Variants in DYNC2I2 observed in about 807,000 individuals in gnomAD.
DYNC2I2 encodes dynein 2 intermediate chain 2, also known as cytoplasmic dynein 2 intermediate chain 2.
In DYNC2I2, 39 loss-of-function variants were observed where a neutral mutation model predicts 52.0. The ratio of observed to expected loss-of-function variants is 0.75; its 90% CI spans 0.58 to 0.98. The LOEUF (loss-of-function observed/expected upper bound fraction) is 0.98, where lower values mean the gene tolerates loss of function less well. DYNC2I2 is among the 50% of genes least tolerant of loss of function. The pLI is 0.00. For synonymous variants in DYNC2I2, 359 were observed against 321.1 expected, an observed-to-expected ratio of 1.12 and a Z score of -1.26; for missense variants, 743 against 728.4, an observed-to-expected ratio of 1.02 and a Z score of -0.23.
At chr9:128,648,682 C>T (rs1016178478) in intron 1 of DYNC2I2, among the ~76,000 whole-genome samples, 1 of 150,158 alleles carries the variant, frequency 6.7e-6, no homozygotes, top group African/African-American at 2.4e-5. Context: ...CAACTGTAAT[C>T]ACTGCTACTA....
chr9:128,656,388 G>A (rs888229371), intron 1 of DYNC2I2, among the ~76,000 whole-genome samples, 153 bp downstream of exon 1: 3 of 151,162 alleles, frequency 2.0e-5, no homozygotes, highest in Admixed American at 1.3e-4. Flanking sequence ...AACTGTAAAG[G>A]CAAACGGTGG....
chr9:128,637,605 G>C (rs553614603), intron 2 of DYNC2I2, among the ~76,000 whole-genome samples: 31 of 152,084 alleles, frequency 2.0e-4, no homozygotes, highest in African/African-American at 7.5e-4. Context: ...ACCAAACCTG[G>C]ATAATTTTTA....
intron 5 of DYNC2I2, 159 bp downstream of exon 5, chr9:128,635,499 G>C: frequency 1.3e-6 from 1 of 797,850 alleles, no homozygotes; most frequent in Non-Finnish European, 2.0e-6. Context: ...AGGGCCCTGG[G>C]AGTGGCTCCT....
At chr9:128,667,221 A>G in the DYNC2I2 span, among the ~76,000 whole-genome samples, 1,339 of 152,260 alleles carry the variant, frequency 8.8e-3, 21 homozygotes, top group African/African-American at 0.029. Flanking sequence ...AATAATAATT[A>G]GGAGTGGTGA....
upstream of DYNC2I2, among the ~76,000 whole-genome samples, chr9:128,660,418 C>CT (rs111984663): frequency 2.4e-4 from 35 of 144,072 alleles, no homozygotes; most frequent in Middle Eastern, 3.7e-3. Context: ...CCTATTATTT[C>CT]TTTTTTTTTT....
At chr9:128,657,374 CTT>C (rs1860852536), upstream of DYNC2I2, among the ~76,000 whole-genome samples, 1 of 152,090 alleles carries the variant, frequency 6.6e-6, no homozygotes, top group African/African-American at 2.4e-5. Context: ...CAGAACGTCT[CTT>C]TCTTATTAAG....
Position 128,634,600 on chromosome 9 carries a change from G to A in DYNC2I2, c.1214+89C>T, listed in dbSNP as rs868814977. 28 of 1,380,944 alleles carry A rather than the reference G, an allele frequency of 2.0e-5. No homozygotes were observed. In the African/African-American group the frequency reaches 2.9e-4, roughly 14 times the overall value. 85.5% of individuals were successfully genotyped at this position (1,380,944 alleles called of 1,614,324 possible). ...CAGAGTGGGCAGAAGGCAAGCACTT[G>A]AAGCAGTTTGTCATGAGGCTTGGCA... On this transcript the variant is annotated intron_variant, in intron 7 of 8. Transcript: ENST00000372715.
Position 128,640,925 on chromosome 9 carries a change from C to T in DYNC2I2, c.201G>A (p.Thr67=), listed in dbSNP as rs2132156412. Reference sequence around the variant, plus strand: ...ATGCACTGGCAGTGGCAATGCTGGCCGTCTGGCAACTTTTCTGGGGGGAGG... The same window carrying T: ...ATGCACTGGCAGTGGCAATGCTGGCTGTCTGGCAACTTTTCTGGGGGGAGG... The part of the protein sequence containing the change: ...GIRWETKSCQ[T]ASIATASASA... The change falls in exon 2 of 9, where the codon ACG becomes ACA. Residue 67 remains threonine, a synonymous_variant. Transcript: ENST00000372715. 1 of 1,591,072 alleles carries T rather than the reference C, an allele frequency of 6.3e-7. No homozygotes were observed. The highest frequency in any genetic ancestry group is 1.1e-5 in the South Asian group (1 of 89,226).
At chr9:128,644,274 C>A (rs1452245433) in intron 1 of DYNC2I2, among the ~76,000 whole-genome samples, 1 of 7,862 alleles carries the variant, frequency 1.3e-4, no homozygotes, top group Non-Finnish European at 2.7e-4. Context: ...ACCCAGGCGG[C>A]CTTTTTTTTT....
At position 128,634,329 on chromosome 9, in the gene DYNC2I2, C is replaced by G; in HGVS notation, c.1269G>C (p.Leu423=). 6.2e-7 allele frequency: 1 copy of G among 1,612,168 alleles called. No individual in the cohort carries two copies. Among genetic ancestry groups the G allele is most frequent in the African/African-American group, 1.3e-5 (1 of 74,958 alleles). The change falls in exon 8 of 9, where the codon CTG becomes CTC. Residue 423 remains leucine (L), a synonymous_variant. Coordinates refer to ENST00000372715, the MANE Select transcript of DYNC2I2 (RefSeq NM_052844.4). The stretch of plus-strand genomic sequence containing the variant: ...GCAGCGAAGTCAAGGGAGGGGCCTG[C>G]AGCATGGAGTACAGGTGGACATGCC... ...TDGHVHLYSM[L]QAPPLTSLQL...
In DYNC2I2 at chr9:128,633,857, C is replaced by G; in HGVS notation, c.1498G>C (p.Ala500Pro). The G allele has an allele frequency of 6.2e-7, 1 of 1,613,614 alleles. No individual in the cohort carries two copies. The highest frequency in any genetic ancestry group is 8.5e-7 in the Non-Finnish European group (1 of 1,180,052). ...FNSQQTQLLAAGDAQGTVKVW... is the reference protein window; with the variant it reads ...FNSQQTQLLAPGDAQGTVKVW... ...TTCACTGTGCCCTGGGCATCGCCCG[C>G]AGCCAAGAGCTGAGTCTGCTGGCTG... Residue 500 changes from alanine to proline, a missense_variant, in exon 9 of 9, where the codon GCG (alanine) becomes CCG (proline). Coordinates refer to ENST00000372715, the MANE Select transcript of DYNC2I2 (RefSeq NM_052844.4).
the DYNC2I2 span, among the ~76,000 whole-genome samples, chr9:128,677,281 C>A: frequency 6.6e-6 from 1 of 150,698 alleles, no homozygotes; most frequent in Non-Finnish European, 1.5e-5. Context: ...GAGCAGAATT[C>A]GAGACTAGCC....
the DYNC2I2 span, among the ~76,000 whole-genome samples, chr9:128,661,935 G>C: frequency 6.6e-6 from 1 of 151,960 alleles, no homozygotes; most frequent in Admixed American, 6.6e-5. Context: ...CCAGCTACTA[G>C]GGAGGCAGAG....
the DYNC2I2 span, among the ~76,000 whole-genome samples, chr9:128,680,409 G>C: frequency 6.9e-6 from 1 of 145,960 alleles, no homozygotes; most frequent in Non-Finnish European, 1.5e-5. Context: ...ACGGAGTCTT[G>C]CTCTGTCGCC....
chr9:128,644,970 G>A (rs894728543), intron 1 of DYNC2I2, among the ~76,000 whole-genome samples: 1 of 152,204 alleles, frequency 6.6e-6, no homozygotes, highest in Non-Finnish European at 1.5e-5. Flanking sequence ...AATGTTGCGT[G>A]TGATTTGACG....
the DYNC2I2 span, among the ~76,000 whole-genome samples, chr9:128,677,982 T>C: frequency 2.0e-5 from 3 of 152,084 alleles, no homozygotes; most frequent in African/African-American, 7.2e-5. Flanking sequence ...TTTTATCTAC[T>C]CCTCTTTTAC....
At chr9:128,675,029 A>G in the DYNC2I2 span, among the ~76,000 whole-genome samples, 31 of 152,176 alleles carry the variant, frequency 2.0e-4, no homozygotes, top group Middle Eastern at 3.4e-3. Context: ...GCCTTGCTTC[A>G]CTGTCAGCCT....
rs1177119794 is a variant in DYNC2I2, at chr9:128,636,449, A to T, written c.546-11T>A. 6.3e-7 allele frequency: 1 copy of T among 1,595,820 alleles called. No homozygotes were observed. The highest frequency in any genetic ancestry group is 1.3e-5 in the African/African-American group (1 of 74,624). Reference sequence around the variant, plus strand: ...TCCCCATGGTCCAGCCTGTGCAGGGACAGGCTTGAGCCGGCTGTGCCCCTG... The same window carrying T: ...TCCCCATGGTCCAGCCTGTGCAGGGTCAGGCTTGAGCCGGCTGTGCCCCTG... On this transcript the variant is annotated splice_polypyrimidine_tract_variant and intron_variant, in intron 3 of 8. Transcript: ENST00000372715.
chr9:128,647,618 C>T (rs1860640125), intron 1 of DYNC2I2, among the ~76,000 whole-genome samples: 1 of 151,810 alleles, frequency 6.6e-6, no homozygotes, highest in Non-Finnish European at 1.5e-5. Flanking sequence ...ACCTGTAATC[C>T]CAGCTACTCA....
Sources: allele counts gnomAD v4.1 joint callset (sites outside exome capture counted in the v4.1 genomes callset), GRCh38; gene constraint gnomAD v4.1.1; transcripts MANE v1.5; gene names NCBI Gene and HGNC (gene_info 2026-07-23, HGNC 2026-07-21).